GRIA4: variants seen among roughly 807,000 people sequenced by gnomAD.
GRIA4 encodes the protein glutamate receptor 4.
A neutral mutation model predicts 104.0 loss-of-function variants in GRIA4; 34 were observed. That is an observed-to-expected ratio of 0.33 (90% confidence interval 0.25 to 0.44). The LOEUF (loss-of-function observed/expected upper bound fraction) is 0.44. Ranked by LOEUF, GRIA4 falls within the 20% of genes least tolerant of loss-of-function variation. GRIA4 has a pLI of 1.00. For missense variants in GRIA4, 750 were observed against 1,096.5 expected (o/e 0.68, Z 4.46); for synonymous variants, 386 against 381.9 (o/e 1.01, Z -0.13).
At chr11:105,621,306 T>TA (rs1199975885) in intron 3 of GRIA4, among the ~76,000 whole-genome samples, 1 of 151,622 alleles carries the variant, frequency 6.6e-6, no homozygotes, top group Non-Finnish European at 1.5e-5. Context: ...TCAGAAATCT[T>TA]AAAAAGTTAG....
At chr11:105,889,437 A>T (rs1044638301) in intron 6 of GRIA4, among the ~76,000 whole-genome samples, 44 of 152,216 alleles carry the variant, frequency 2.9e-4, no homozygotes, top group Admixed American at 4.6e-4. Context: ...ATTAATATGG[A>T]TTCTATTGAC....
At chr11:105,819,699 T>C (rs1235059521) in intron 4 of GRIA4, among the ~76,000 whole-genome samples, 2 of 152,104 alleles carry the variant, frequency 1.3e-5, no homozygotes, top group Non-Finnish European at 2.9e-5. Flanking sequence ...GTATACATTA[T>C]CACACATTAT....
chr11:105,618,608 G>C (rs1336121721), intron 3 of GRIA4, among the ~76,000 whole-genome samples: 1 of 151,962 alleles, frequency 6.6e-6, no homozygotes, highest in Non-Finnish European at 1.5e-5. Flanking sequence ...TGAGTGGGGA[G>C]GGTGACTATA....
At chr11:105,845,461 G>A (rs1017997028) in intron 4 of GRIA4, among the ~76,000 whole-genome samples, 1 of 152,098 alleles carries the variant, frequency 6.6e-6, no homozygotes, top group African/African-American at 2.4e-5. Context: ...TCAGTGGGAG[G>A]AGCATCAATG....
chr11:105,902,639 G>A (rs1490975535), intron 7 of GRIA4, among the ~76,000 whole-genome samples: 1 of 152,082 alleles, frequency 6.6e-6, no homozygotes. Flanking sequence ...CCAGCCCTAA[G>A]TTTACTTTCT....
chr11:105,653,854 T>C (rs967865812), intron 3 of GRIA4, among the ~76,000 whole-genome samples: 2 of 151,592 alleles, frequency 1.3e-5, no homozygotes, highest in Admixed American at 6.6e-5. Flanking sequence ...GGTAGGAAGG[T>C]GGCATGAGAG....
At chr11:105,676,204 A>G (rs1952530472) in intron 3 of GRIA4, among the ~76,000 whole-genome samples, 2 of 151,768 alleles carry the variant, frequency 1.3e-5, no homozygotes, top group Non-Finnish European at 3.0e-5. Flanking sequence ...ATAAATTACT[A>G]TAGAAAATTT....
At chr11:105,887,400 A>G (rs1946303343) in intron 5 of GRIA4, 119 bp from the exon 6 acceptor site, 5 of 513,462 alleles carry the variant, frequency 9.7e-6, no homozygotes, top group Middle Eastern at 5.1e-4. Flanking sequence ...TATTTTTTAA[A>G]AAACTATCAT....
rs566316985 is a variant in GRIA4, at chr11:105,770,298, A to T, written c.487+17078A>T. On this transcript the variant is annotated intron_variant, in intron 4 of 16. Coordinates refer to ENST00000282499, the MANE Select transcript of GRIA4 (RefSeq NM_000829.4). ...CAGAATTTTGCAATTTTACAAGGGA[A>T]GAAAATTCATTCTTAAAAGTCTCGT... Among the ~76,000 whole-genome samples, 8 of 152,216 alleles carry T rather than the reference A, an allele frequency of 5.3e-5. No homozygotes were observed. In the East Asian group the frequency reaches 1.2e-3, roughly 22 times the overall value.
intron 3 of GRIA4, among the ~76,000 whole-genome samples, chr11:105,663,724 T>C (rs1162343102): frequency 1.3e-5 from 2 of 151,826 alleles, no homozygotes; most frequent in Non-Finnish European, 2.9e-5. Context: ...GACTCAAATA[T>C]AGGGAAACTT....
At chr11:105,718,976 G>A (rs635980) in intron 3 of GRIA4, among the ~76,000 whole-genome samples, 4,086 of 152,176 alleles carry the variant, frequency 0.027, 147 homozygotes, top group African/African-American at 0.079. Flanking sequence ...GAGTTATGCC[G>A]TGGAGCTCCA....
intron 3 of GRIA4, among the ~76,000 whole-genome samples, chr11:105,655,008 G>A (rs951341566): frequency 6.6e-6 from 1 of 152,036 alleles, no homozygotes; most frequent in African/African-American, 2.4e-5. Flanking sequence ...AAAAGAATGG[G>A]TGTTTGAGCA....
At chr11:105,805,478 G>GAAAAAAAAAACAAAAAAAAAA (rs1942910315) in intron 4 of GRIA4, among the ~76,000 whole-genome samples, 1 of 92,504 alleles carries the variant, frequency 1.1e-5, no homozygotes, top group African/African-American at 4.5e-5. Flanking sequence ...AAGAAATCAG[G>GAAAAAAAAAACAAAAAAAAAA]AAAAAAAAAA....
chr11:105,822,825 G>A (rs1943625285), intron 4 of GRIA4, among the ~76,000 whole-genome samples: 2 of 152,108 alleles, frequency 1.3e-5, no homozygotes, highest in Admixed American at 1.3e-4. Context: ...ATTTTCTTAT[G>A]GGAGTGTATA....
rs781566275 is a variant in GRIA4 at position 105,724,378 on chromosome 11, TAC to T, written c.248-28585_248-28584del. Among the ~76,000 whole-genome samples the T allele has an allele frequency of 3.1e-3, 363 of 118,602 alleles. 3 individuals are homozygous for T. Among genetic ancestry groups the T allele is most frequent in the Middle Eastern group, 0.016 (4 of 246 alleles). 77.8% of individuals were successfully genotyped at this position (118,602 alleles called of 152,430 possible). On this transcript the variant is annotated intron_variant, in intron 3 of 16. Coordinates refer to ENST00000282499, the MANE Select transcript of GRIA4 (RefSeq NM_000829.4). Reference sequence around the variant, plus strand: ...ATGGATACACACACACCATTATATATACACACACACACACACACATATATATA... The same window carrying T: ...ATGGATACACACACACCATTATATATACACACACACACACACATATATATA...
chr11:105,737,484 A>G (rs1939025176), intron 3 of GRIA4, among the ~76,000 whole-genome samples: 1 of 152,138 alleles, frequency 6.6e-6, no homozygotes, highest in East Asian at 1.9e-4. Context: ...CTACAAAAAT[A>G]AAAGAAAAAA....
At chr11:105,929,098 A>C (rs1183562480) in intron 13 of GRIA4, among the ~76,000 whole-genome samples, 1 of 152,038 alleles carries the variant, frequency 6.6e-6, no homozygotes, top group Non-Finnish European at 1.5e-5. Flanking sequence ...GGAATGCATA[A>C]ATTTGGGTTC....
chr11:105,870,976 T>A (rs1945592326), intron 5 of GRIA4, among the ~76,000 whole-genome samples: 1 of 152,150 alleles, frequency 6.6e-6, no homozygotes, highest in South Asian at 2.1e-4. Context: ...GTAGACTATA[T>A]TTTTTATAGT....
At chr11:105,676,819 G>C (rs993387061) in intron 3 of GRIA4, among the ~76,000 whole-genome samples, 17 of 151,762 alleles carry the variant, frequency 1.1e-4, no homozygotes, top group African/African-American at 4.1e-4. Context: ...TCTAGAAAGG[G>C]AAATAGTTCT....
Sources: allele counts gnomAD v4.1 joint callset (sites outside exome capture counted in the v4.1 genomes callset), GRCh38; gene constraint gnomAD v4.1.1; transcripts MANE v1.5; gene names NCBI Gene and HGNC (gene_info 2026-07-23, HGNC 2026-07-21).